Variants in ACTR2 observed in about 807,000 individuals in gnomAD.
ACTR2 encodes actin-related protein 2.
In ACTR2, 5 loss-of-function variants were observed where a neutral mutation model predicts 50.2. The observed-to-expected ratio is 0.10, with a 90% CI of 0.05 to 0.21. The LOEUF is 0.21. Ranked by LOEUF, ACTR2 falls within the 10% of genes least tolerant of loss-of-function variation. The pLI is 1.00. For synonymous variants in ACTR2, 140 were observed against 162.9 expected (o/e 0.86, Z 1.07); for missense variants, 180 against 480.6 (o/e 0.37, Z 5.85).
intron 1 of ACTR2, among the ~76,000 whole-genome samples, chr2:65,229,978 T>C (rs536074500): frequency 6.6e-6 from 1 of 152,232 alleles, no homozygotes; most frequent in South Asian, 2.1e-4. Context: ...GAAATGTTCA[T>C]AATGGTTACC....
intron 7 of ACTR2, among the ~76,000 whole-genome samples, chr2:65,261,800 G>A (rs941931060): frequency 6.6e-6 from 1 of 152,118 alleles, no homozygotes; most frequent in Non-Finnish European, 1.5e-5. Context: ...TTAACTTTCC[G>A]AGGAACCTCC....
chr2:65,258,944 T>C (rs991357338), intron 6 of ACTR2, among the ~76,000 whole-genome samples: 12 of 152,110 alleles, frequency 7.9e-5, no homozygotes, highest in African/African-American at 2.9e-4. Context: ...GTGGTTTTTT[T>C]AAGGGTATAA....
chr2:65,248,843 G>A (rs1162502992), intron 3 of ACTR2, among the ~76,000 whole-genome samples: 2 of 151,844 alleles, frequency 1.3e-5, no homozygotes, highest in Non-Finnish European at 2.9e-5. Context: ...GCAAAACTCC[G>A]TCTCTACTAA....
intron 4 of ACTR2, among the ~76,000 whole-genome samples, chr2:65,252,282 A>T (rs928295723): frequency 6.6e-6 from 1 of 151,554 alleles, no homozygotes; most frequent in African/African-American, 2.4e-5. Context: ...AGAGTACAAC[A>T]TTCAAGGGCT....
chr2:65,248,399 C>CA (rs1671981061), intron 3 of ACTR2, among the ~76,000 whole-genome samples: 1 of 151,330 alleles, frequency 6.6e-6, no homozygotes. Flanking sequence ...GACTCAGTCT[C>CA]AAAAAGAAAA....
chr2:65,231,708 G>T (rs1428665825), intron 1 of ACTR2, among the ~76,000 whole-genome samples: 1 of 152,066 alleles, frequency 6.6e-6, no homozygotes, highest in African/African-American at 2.4e-5. Flanking sequence ...TTTTTAAAAA[G>T]TTACGATTCT....
At chr2:65,261,533 A>G in intron 7 of ACTR2, 141 bp downstream of exon 7, 1 of 871,776 alleles carries the variant, frequency 1.1e-6, no homozygotes, top group South Asian at 2.1e-5. Flanking sequence ...GACTTACGGA[A>G]AGGTTGCAAG....
intron 6 of ACTR2, among the ~76,000 whole-genome samples, chr2:65,259,052 A>G (rs1672210595): frequency 6.6e-6 from 1 of 151,452 alleles, no homozygotes; most frequent in Non-Finnish European, 1.5e-5. Context: ...GGCTCACTTC[A>G]GTCTCAATCT....
chr2:65,251,811 T>G (rs1331619264), intron 4 of ACTR2, among the ~76,000 whole-genome samples: 1 of 152,182 alleles, frequency 6.6e-6, no homozygotes, highest in Non-Finnish European at 1.5e-5. Context: ...GGGAGTGCAT[T>G]TCTAACTTTT....
chr2:65,246,875 T>A, intron 3 of ACTR2, 136 bp downstream of exon 3: 1 of 661,592 alleles, frequency 1.5e-6, no homozygotes, highest in Non-Finnish European at 2.5e-6. Flanking sequence ...ATCTACTATA[T>A]GCTAGTCATT....
chr2:65,237,019 CTGT>C, intron 1 of ACTR2, among the ~76,000 whole-genome samples: 1 of 152,262 alleles, frequency 6.6e-6, no homozygotes, highest in African/African-American at 2.4e-5. Flanking sequence ...TGGTATCATA[CTGT>C]TAAGTCAACA....
At chr2:65,241,793 G>C (rs1227464812) in intron 2 of ACTR2, among the ~76,000 whole-genome samples, 2 of 152,012 alleles carry the variant, frequency 1.3e-5, no homozygotes, top group African/African-American at 4.8e-5. Context: ...TTTGTGTCTT[G>C]TTAGCTAAAA....
chr2:65,253,709 C>T lies in ACTR2; in HGVS notation c.449-19C>T, dbSNP rs747758062. The T allele has an allele frequency of 2.5e-6, 4 of 1,602,646 alleles. No homozygotes were observed. The Admixed American group carries it at 6.9e-5, about 28-fold the overall frequency. On this transcript the variant is annotated intron_variant, in intron 4 of 8. Transcript: ENST00000260641. The stretch of plus-strand genomic sequence containing the variant: ...TCCTGATTTGACTTTTTATTTAAAT[C>T]CCCCTGGCTTTTATGCAGGTTTATT...
chr2:65,252,844 A>G (rs963279964), intron 4 of ACTR2, among the ~76,000 whole-genome samples: 3 of 151,764 alleles, frequency 2.0e-5, no homozygotes, highest in African/African-American at 4.8e-5. Context: ...GCACATGCCT[A>G]TAATCCCAGC....
chr2:65,255,508 G>A (rs1185403012), intron 5 of ACTR2, 37 bp from the exon 6 acceptor site: 2 of 1,583,674 alleles, frequency 1.3e-6, no homozygotes, highest in Admixed American at 3.5e-5. Flanking sequence ...AACTCATTCA[G>A]ATGTATTATG....
At chr2:65,247,566 C>T (rs895127055) in intron 3 of ACTR2, among the ~76,000 whole-genome samples, 3 of 151,710 alleles carry the variant, frequency 2.0e-5, no homozygotes, top group Admixed American at 6.6e-5. Flanking sequence ...CCAGCCTGGG[C>T]GACAGAGCGA....
chr2:65,234,942 A>G (rs1671712002), intron 1 of ACTR2, among the ~76,000 whole-genome samples: 2 of 152,188 alleles, frequency 1.3e-5, no homozygotes, highest in African/African-American at 4.8e-5. Context: ...GGAGGTAGGC[A>G]TAATAATTTA....
intron 7 of ACTR2, among the ~76,000 whole-genome samples, chr2:65,261,730 T>G (rs1232011397): frequency 1.3e-5 from 2 of 152,228 alleles, no homozygotes; most frequent in Non-Finnish European, 2.9e-5. Context: ...CATGCTGATT[T>G]CAGATCCTTT....
In ACTR2 at chr2:65,270,190, A is replaced by G. The variant is rs1437895819; in HGVS notation, c.*1456A>G. ...AGTTCTGGAAAAAATATTTTTCTTC[A>G]TTTTAAAACTTTTTTTTAACTAATA... On this transcript the variant is annotated 3_prime_UTR_variant, in exon 9 of 9. Transcript: ENST00000260641. 7.4e-6 allele frequency: 1 copy of G among 135,748 alleles called. No homozygotes were observed. Among genetic ancestry groups the G allele is most frequent in the Non-Finnish European group, 1.6e-5 (1 of 62,206 alleles). The allele number at this position is 135,748 out of a possible 1,614,324, so 8.4% of individuals were successfully genotyped here. A position where few individuals can be genotyped will look rare whatever the true frequency, so the allele number is the denominator to read the frequency against.
Sources: gnomAD v4.1 joint callset for allele counts (sites outside exome capture counted in the v4.1 genomes callset) on GRCh38, gnomAD v4.1.1 for gene constraint, MANE v1.5 for transcripts, NCBI Gene and HGNC (gene_info 2026-07-23, HGNC 2026-07-21) for gene names.